The following KCND2 variants were observed in gnomAD, a reference collection of about 807,000 sequenced individuals.
The protein encoded by KCND2 is potassium voltage-gated channel subfamily D member 2.
In KCND2, 16 loss-of-function variants were observed where a neutral mutation model predicts 54.4. The observed-to-expected ratio is 0.29, with a 90% CI of 0.20 to 0.45. The LOEUF (loss-of-function observed/expected upper bound fraction) is 0.45. KCND2 is among the 20% of genes least tolerant of loss of function. The pLI is 1.00. For synonymous variants in KCND2, 317 were observed against 310.7 expected (o/e 1.02, Z -0.21); for missense variants, 486 against 824.2 (o/e 0.59, Z 5.02).
intron 1 of KCND2, among the ~76,000 whole-genome samples, chr7:120,376,699 C>A (rs1800839414): frequency 6.6e-6 from 1 of 151,672 alleles, no homozygotes; most frequent in African/African-American, 2.4e-5. Context: ...TGATTCAATT[C>A]AATAGCTAAT....
chr7:120,641,608 A>C (rs527300415), intron 1 of KCND2, among the ~76,000 whole-genome samples: 13 of 152,324 alleles, frequency 8.5e-5, no homozygotes, highest in Admixed American at 4.6e-4. Context: ...ATAAAACTTC[A>C]AAGTGTCACT....
rs1310554247 is a variant in KCND2 at position 120,325,144 on chromosome 7, T to A, written c.1115+49397T>A. On this transcript the variant is annotated intron_variant, in intron 1 of 5. Coordinates refer to ENST00000331113, the MANE Select transcript of KCND2 (RefSeq NM_012281.3). ...AAGAATGCTTGTGATTTTTGCACAT[T>A]GATTTTGTATCCTGAGAGTTTGCTG... Among the ~76,000 whole-genome samples, 3 of 145,764 alleles carry A rather than the reference T, an allele frequency of 2.1e-5. No individual in the cohort carries two copies. In the East Asian group the frequency reaches 6.0e-4, roughly 29 times the overall value.
Position 120,745,891 on chromosome 7 carries a change from A to G in KCND2, c.1579A>G (p.Ser527Gly), listed in dbSNP as rs750299205. Reference sequence around the variant, plus strand: ...ACTGTCTTCACAACAAGGAGTCACCAGCACCTGCTGTTCACGACGACACAA... The same window carrying G: ...ACTGTCTTCACAACAAGGAGTCACCGGCACCTGCTGTTCACGACGACACAA... ...PSLSSQQGVT[S>G]TCCSRRHKKT... is the part of the protein sequence containing the mutation. Residue 527 changes from serine to glycine, a missense_variant, in exon 5 of 6, where the codon AGC becomes GGC. By Grantham distance (56) the Ser-to-Gly change is moderately conservative (BLOSUM62 0). Transcript: ENST00000331113. The G allele has an allele frequency of 1.2e-6, 2 of 1,613,944 alleles. No homozygotes were observed. Among genetic ancestry groups the G allele is most frequent in the Admixed American group, 3.3e-5 (2 of 59,994 alleles).
At chr7:120,632,424 T>A (rs1435704575) in intron 1 of KCND2, among the ~76,000 whole-genome samples, 1 of 152,226 alleles carries the variant, frequency 6.6e-6, no homozygotes, top group Non-Finnish European at 1.5e-5. Flanking sequence ...CAGTTACTAC[T>A]TTTTTTAGAG....
intron 1 of KCND2, among the ~76,000 whole-genome samples, chr7:120,391,196 C>T (rs1801072043): frequency 2.6e-5 from 4 of 152,024 alleles, no homozygotes; most frequent in Admixed American, 1.3e-4. Context: ...TGTTAGTTTC[C>T]TGAGGATGAT....
chr7:120,422,318 A>G (rs941827356), intron 1 of KCND2, among the ~76,000 whole-genome samples: 1 of 152,200 alleles, frequency 6.6e-6, no homozygotes, highest in African/African-American at 2.4e-5. Context: ...CTCTGCAATG[A>G]ATTAAAATTC....
chr7:120,512,260 A>T (rs1803126482), intron 1 of KCND2, among the ~76,000 whole-genome samples: 1 of 152,114 alleles, frequency 6.6e-6, no homozygotes, highest in South Asian at 2.1e-4. Flanking sequence ...CAGATTAAAA[A>T]TTAAGAACTG....
chr7:120,322,379 A>C (rs1799903645), intron 1 of KCND2, among the ~76,000 whole-genome samples: 1 of 152,112 alleles, frequency 6.6e-6, no homozygotes, highest in Non-Finnish European at 1.5e-5. Flanking sequence ...CATAGGTAGA[A>C]CATCCTCAGT....
At chr7:120,539,133 A>G (rs182980544) in intron 1 of KCND2, among the ~76,000 whole-genome samples, 1 of 152,282 alleles carries the variant, frequency 6.6e-6, no homozygotes, top group Admixed American at 6.5e-5. Flanking sequence ...CAACAATAAG[A>G]AGGGTTGATT....
rs776674171 is a variant in KCND2 at position 120,274,737 on chromosome 7, G to A, written c.105G>A (p.Arg35=). ...TGCCGGCTCCCCCGAGGCAGGAGAG[G>A]AAAAGGACCCAAGATGCTCTCATTG... ...GPMPAPPRQE[R]KRTQDALIVL... is the part of the protein sequence containing the mutation. The change falls in exon 1 of 6, where the codon AGG becomes AGA. Residue 35 remains arginine, a synonymous_variant. Coordinates refer to ENST00000331113, the MANE Select transcript of KCND2 (RefSeq NM_012281.3). The A allele has an allele frequency of 3.7e-6, 6 of 1,614,028 alleles. No individual in the cohort carries two copies. In the Admixed American group the frequency reaches 6.7e-5, roughly 18 times the overall value.
At chr7:120,631,339 C>T (rs1051395437) in intron 1 of KCND2, among the ~76,000 whole-genome samples, 1 of 151,908 alleles carries the variant, frequency 6.6e-6, no homozygotes, top group Admixed American at 6.6e-5. Context: ...CAATTTGAGG[C>T]TCAGTGATTT....
intron 1 of KCND2, among the ~76,000 whole-genome samples, chr7:120,462,011 A>C (rs1345269414): frequency 6.6e-6 from 1 of 152,166 alleles, no homozygotes; most frequent in African/African-American, 2.4e-5. Flanking sequence ...TCAAACATAA[A>C]ATTATAAAAT....
intron 1 of KCND2, 88 bp from the exon 2 acceptor site, chr7:120,732,815 T>A (rs1792823950): frequency 9.2e-7 from 1 of 1,084,486 alleles, no homozygotes; most frequent in East Asian, 2.6e-5. Flanking sequence ...AAAAAATCAT[T>A]TGACTTAAAG....
At chr7:120,385,532 G>C (rs1200752782) in intron 1 of KCND2, among the ~76,000 whole-genome samples, 1 of 152,026 alleles carries the variant, frequency 6.6e-6, no homozygotes, top group Non-Finnish European at 1.5e-5. Context: ...TGCTGAAAAG[G>C]GAGAACTTTT....
Position 120,699,267 on chromosome 7 carries a change from G to A in KCND2, c.1116-33636G>A, listed in dbSNP as rs183794858. 8.8e-3 allele frequency among the ~76,000 whole-genome samples: 1,314 copies of A among 149,788 alleles called. 18 individuals carry two copies. The highest frequency in any genetic ancestry group is 0.03 in the African/African-American group (1,196 of 40,334). ...ACTGCACTCCAGCCTGGGCAACAGAGTGAGACTCCATCTCAAAAAAAAAAA... is the reference window on the plus strand; with the variant it reads ...ACTGCACTCCAGCCTGGGCAACAGAATGAGACTCCATCTCAAAAAAAAAAA... On this transcript the variant is annotated intron_variant, in intron 1 of 5. Transcript: ENST00000331113.
intron 1 of KCND2, among the ~76,000 whole-genome samples, chr7:120,572,255 A>G (rs1395500000): frequency 6.6e-6 from 1 of 152,106 alleles, no homozygotes; most frequent in Non-Finnish European, 1.5e-5. Context: ...TGTTCAAAAA[A>G]TATTTTCCTA....
chr7:120,538,216 TGATA>T (rs938426658), intron 1 of KCND2, among the ~76,000 whole-genome samples: 7 of 152,136 alleles, frequency 4.6e-5, no homozygotes, highest in African/African-American at 1.4e-4. Flanking sequence ...GGGGAATAGC[TGATA>T]GATAGAGCAG....
chr7:120,570,348 G>A (rs955994205), intron 1 of KCND2, among the ~76,000 whole-genome samples: 5 of 151,060 alleles, frequency 3.3e-5, no homozygotes, highest in African/African-American at 1.2e-4. Context: ...CTACAACCCA[G>A]ATTTTACCAC....
At chr7:120,422,509 G>C (rs1341077193) in intron 1 of KCND2, among the ~76,000 whole-genome samples, 1 of 152,096 alleles carries the variant, frequency 6.6e-6, no homozygotes, top group Admixed American at 6.5e-5. Context: ...GGCTACTGAG[G>C]CTTTTTTATC....
Sources: allele counts gnomAD v4.1 joint callset (sites outside exome capture counted in the v4.1 genomes callset), GRCh38; gene constraint gnomAD v4.1.1; transcripts MANE v1.5; gene names NCBI Gene and HGNC (gene_info 2026-07-23, HGNC 2026-07-21).